The following TMEM181 variants were observed in gnomAD, a reference collection of about 807,000 sequenced individuals.
The protein encoded by TMEM181 is transmembrane protein 181.
Under a neutral mutation model 71.9 loss-of-function variants are expected in TMEM181, and 39 were observed. The observed-to-expected ratio is 0.54, with a 90% CI of 0.42 to 0.71. TMEM181 has a LOEUF of 0.71. TMEM181 is among the 30% of genes least tolerant of loss of function. The pLI, the probability that TMEM181 is intolerant of heterozygous loss-of-function variation, is 0.00. For synonymous variants in TMEM181, 245 were observed against 228.8 expected, an observed-to-expected ratio of 1.07 and a Z score of -0.64; for missense variants, 595 against 583.0, an observed-to-expected ratio of 1.02 and a Z score of -0.21.
At chr6:158,597,948 A>C (rs866815197) in intron 6 of TMEM181, among the ~76,000 whole-genome samples, 5 of 152,038 alleles carry the variant, frequency 3.3e-5, no homozygotes, top group East Asian at 1.9e-4. Context: ...ACAGATTCCA[A>C]CTGTAGCAAG....
At chr6:158,571,254 G>A (rs1253498539) in intron 1 of TMEM181, among the ~76,000 whole-genome samples, 2 of 152,160 alleles carry the variant, frequency 1.3e-5, no homozygotes, top group South Asian at 4.1e-4. Context: ...CCGCCACCGC[G>A]CCCGGCTAAT....
At chr6:158,572,335 A>C in intron 1 of TMEM181, 1 of 450,998 alleles carries the variant, frequency 2.2e-6, no homozygotes, top group Admixed American at 2.4e-5. Context: ...CCCTGGGTGG[A>C]CGTGCGGCTG....
chr6:158,568,733 G>T (rs1042012891), intron 1 of TMEM181, among the ~76,000 whole-genome samples: 1 of 152,164 alleles, frequency 6.6e-6, no homozygotes, highest in African/African-American at 2.4e-5. Context: ...GTGGGTTTCT[G>T]TTGCAGAACA....
At chr6:158,567,791 G>A (rs1782592865) in intron 1 of TMEM181, among the ~76,000 whole-genome samples, 1 of 152,210 alleles carries the variant, frequency 6.6e-6, no homozygotes, top group Admixed American at 6.5e-5. Flanking sequence ...CATCTGAAAG[G>A]GGTTGCAGTA....
chr6:158,577,882 G>A (rs1204736108), intron 2 of TMEM181, among the ~76,000 whole-genome samples: 1 of 152,116 alleles, frequency 6.6e-6, no homozygotes, highest in Non-Finnish European at 1.5e-5. Flanking sequence ...CCTGAGGTCG[G>A]GAGTTCAAGA....
At chr6:158,540,182 GAAGTCTA>G (rs1447203256) in intron 1 of TMEM181, among the ~76,000 whole-genome samples, 3 of 152,282 alleles carry the variant, frequency 2.0e-5, no homozygotes, top group African/African-American at 7.2e-5. Flanking sequence ...AGAATAACTT[GAAGTCTA>G]CAGAAAACTC....
At chr6:158,575,558 TC>T (rs1237128449) in intron 2 of TMEM181, among the ~76,000 whole-genome samples, 1 of 152,168 alleles carries the variant, frequency 6.6e-6, no homozygotes, top group Admixed American at 6.5e-5. Flanking sequence ...CCTCAGATGA[TC>T]CGCCTGCCTC....
At chr6:158,569,214 A>G (rs1782672350) in intron 1 of TMEM181, among the ~76,000 whole-genome samples, 2 of 152,212 alleles carry the variant, frequency 1.3e-5, no homozygotes, top group African/African-American at 4.8e-5. Context: ...ACGCAGAATT[A>G]TCCTGTCCTG....
chr6:158,629,781 T>C lies in TMEM181; in HGVS notation c.1244T>C (p.Leu415Ser), dbSNP rs376231183. The change falls in exon 15 of 17, where the codon TTG (leucine) becomes TCG (serine). Residue 415 changes from leucine (L) to serine (S), a missense_variant. Transcript: ENST00000684151. ...CTGTTGAACTTCTATCTCTACACCTTGGCCTTTGTATATTCTCCATCGAAG... is the reference window on the plus strand; with the variant it reads ...CTGTTGAACTTCTATCTCTACACCTCGGCCTTTGTATATTCTCCATCGAAG... ...YGLLNFYLYT[L>S]AFVYSPSKNA... is the part of the protein sequence containing the mutation. 1.2e-6 allele frequency: 2 copies of C among 1,613,956 alleles called. No individual in the cohort carries two copies. The highest frequency in any genetic ancestry group is 2.7e-5 in the African/African-American group (2 of 74,920).
At chr6:158,630,133 TCA>T (rs1459609553) in intron 15 of TMEM181, among the ~76,000 whole-genome samples, 1 of 152,298 alleles carries the variant, frequency 6.6e-6, no homozygotes, top group Non-Finnish European at 1.5e-5. Context: ...TCAGGAGAAA[TCA>T]CACTTTGAAT....
At chr6:158,616,031 G>GT (rs1162562565) in intron 10 of TMEM181, among the ~76,000 whole-genome samples, 3 of 152,186 alleles carry the variant, frequency 2.0e-5, no homozygotes, top group African/African-American at 7.2e-5. Flanking sequence ...AAAGTCCTTG[G>GT]TAGCTTAATG....
chr6:158,549,110 C>CTT (rs33969411), intron 1 of TMEM181, among the ~76,000 whole-genome samples: 104 of 67,284 alleles, frequency 1.5e-3, no homozygotes, highest in South Asian at 6.2e-3. Flanking sequence ...GTGCACACTT[C>CTT]TTTTTTTTTT....
chr6:158,600,135 G>C (rs1332922662), intron 6 of TMEM181, among the ~76,000 whole-genome samples: 2 of 152,182 alleles, frequency 1.3e-5, no homozygotes, highest in Admixed American at 1.3e-4. Flanking sequence ...TTTTAGATTA[G>C]CTACATTTAT....
chr6:158,608,779 C>T (rs368431534), intron 10 of TMEM181, 29 bp downstream of exon 10: 13 of 1,595,618 alleles, frequency 8.1e-6, no homozygotes, highest in Non-Finnish European at 6.0e-6. Flanking sequence ...TGTGAAACTT[C>T]AGTCATGAAA....
chr6:158,607,132 C>A, intron 7 of TMEM181, 112 bp from the exon 8 acceptor site: 1 of 814,438 alleles, frequency 1.2e-6, no homozygotes, highest in South Asian at 1.5e-5. Flanking sequence ...CTTAGTGGGG[C>A]ACCTAGACCA....
In TMEM181 at chr6:158,607,256, C is replaced by T. The variant is rs760491612; in HGVS notation, c.586C>T (p.His196Tyr). 1.2e-6 allele frequency: 2 copies of T among 1,614,192 alleles called. No individual in the cohort carries two copies. The highest frequency in any genetic ancestry group is 2.2e-5 in the East Asian group (1 of 44,888). Residue 196 changes from histidine to tyrosine, a missense_variant, in exon 8 of 17, where the codon CAT becomes TAT. Transcript: ENST00000684151. ...ATTTGGTTTGCAGTGCCTGTTTGCG[C>T]ATTCCCTCCGGAAATTTTCCATGAG... ...LTFIVTCLFA[H>Y]SLRKFSMRDW...
chr6:158,628,363 T>C (rs779129087), intron 13 of TMEM181, 45 bp from the exon 14 acceptor site: 12 of 1,590,084 alleles, frequency 7.5e-6, no homozygotes, highest in Admixed American at 1.7e-5. Flanking sequence ...TAGTGCCGTT[T>C]TCGTGCATGT....
rs891906154 is a variant in TMEM181, at chr6:158,631,943, G to A, written c.*55G>A. The A allele has an allele frequency of 1.4e-6, 2 of 1,460,438 alleles. No individual in the cohort carries two copies. The highest frequency in any genetic ancestry group is 9.4e-7 in the Non-Finnish European group (1 of 1,064,434). The allele number at this position is 1,460,438 out of a possible 1,614,324, so 90.5% of individuals were successfully genotyped here. A position where few individuals can be genotyped will look rare whatever the true frequency, so the allele number is the denominator to read the frequency against. ...TGCCTGGATGCTTTCCCCGGTGACC[G>A]TCTGCTGACCTTCCCCTGTTATATT... is the stretch of plus-strand genomic sequence containing the variant. On this transcript the variant is annotated 3_prime_UTR_variant, in exon 17 of 17. Transcript: ENST00000684151.
rs1783704855 is a variant in TMEM181 at position 158,585,300 on chromosome 6, G to A, written c.260-4G>A. 1 of 1,591,338 alleles carries A rather than the reference G, an allele frequency of 6.3e-7. No individual in the cohort carries two copies. The highest frequency in any genetic ancestry group is 2.3e-5 in the East Asian group (1 of 44,422). Reference sequence around the variant, plus strand: ...CTCTAACACTGAATTTTTTTCTTTTGTAGAAACTTCTATTAAGACAAGCTT... The same window carrying A: ...CTCTAACACTGAATTTTTTTCTTTTATAGAAACTTCTATTAAGACAAGCTT... On this transcript the variant is annotated splice_polypyrimidine_tract_variant and splice_region_variant and intron_variant, in intron 4 of 16. Transcript: ENST00000684151.
Sources: gnomAD v4.1 joint callset for allele counts (sites outside exome capture counted in the v4.1 genomes callset) on GRCh38, gnomAD v4.1.1 for gene constraint, MANE v1.5 for transcripts, NCBI Gene and HGNC (gene_info 2026-07-23, HGNC 2026-07-21) for gene names.